The following ARK2N variants were observed in gnomAD, a reference collection of about 807,000 sequenced individuals.
ARK2N encodes the protein protein ARK2N.
chr18:46,175,046 C>T, the ARK2N span, among the ~76,000 whole-genome samples: 1 of 152,196 alleles, frequency 6.6e-6, no homozygotes, highest in Non-Finnish European at 1.5e-5. Flanking sequence ...AGGATGTACA[C>T]TGACGAACCC....
chr18:46,216,689 G>A, the ARK2N span: 1 of 1,094,718 alleles, frequency 9.1e-7, no homozygotes, highest in Non-Finnish European at 1.3e-6. This position sits in a 1 kb window ranked among gnomAD's most constrained non-coding sequence, Gnocchi z 4.3. Flanking sequence ...AAAAATCCAG[G>A]AGACCTGCAG....
At chr18:46,212,016 T>C in the ARK2N span, among the ~76,000 whole-genome samples, 1 of 152,204 alleles carries the variant, frequency 6.6e-6, no homozygotes, top group African/African-American at 2.4e-5. Flanking sequence ...ATGACATCAT[T>C]TCCCCCTGTG....
chr18:46,178,360 T>C, the ARK2N span, among the ~76,000 whole-genome samples: 1 of 152,376 alleles, frequency 6.6e-6, no homozygotes, highest in Admixed American at 6.5e-5. Flanking sequence ...ATGCCCAGGC[T>C]GGAGTGCAAT....
chr18:46,191,246 C>T, the ARK2N span, among the ~76,000 whole-genome samples: 3 of 152,072 alleles, frequency 2.0e-5, no homozygotes, highest in Non-Finnish European at 4.4e-5. Flanking sequence ...AAAGTACAGA[C>T]GGTCCTCAAC....
chr18:46,227,595 AT>A, the ARK2N span, among the ~76,000 whole-genome samples: 8 of 148,386 alleles, frequency 5.4e-5, no homozygotes, highest in African/African-American at 1.5e-4. Flanking sequence ...AGGTCTCTGC[AT>A]TTTTTTTTTC....
At chr18:46,256,081 T>A in the ARK2N span, among the ~76,000 whole-genome samples, 3 of 152,330 alleles carry the variant, frequency 2.0e-5, no homozygotes, top group African/African-American at 7.2e-5. Flanking sequence ...TATGATACCC[T>A]GCCCATTGAC....
the ARK2N span, among the ~76,000 whole-genome samples, chr18:46,185,271 A>G: frequency 6.6e-6 from 1 of 152,238 alleles, no homozygotes; most frequent in African/African-American, 2.4e-5. Flanking sequence ...GAGTAAGTAA[A>G]AACATTTAGG....
the ARK2N span, among the ~76,000 whole-genome samples, chr18:46,214,715 C>T: frequency 7.4e-3 from 1,124 of 152,294 alleles, 6 homozygotes; most frequent in Non-Finnish European, 0.012. Flanking sequence ...ACAAAGTGTA[C>T]AATGGGTGTA....
At chr18:46,262,286 C>G in the ARK2N span, among the ~76,000 whole-genome samples, 11 of 152,196 alleles carry the variant, frequency 7.2e-5, no homozygotes, top group African/African-American at 2.2e-4. Context: ...CCGATAGAAC[C>G]CTTTTAGTGG....
chr18:46,195,445 C>T, the ARK2N span, among the ~76,000 whole-genome samples: 12 of 151,286 alleles, frequency 7.9e-5, no homozygotes, highest in African/African-American at 2.2e-4. Flanking sequence ...GATGGGGCCT[C>T]ATGATGTTAC....
At chr18:46,182,264 AT>A in the ARK2N span, among the ~76,000 whole-genome samples, 1 of 152,114 alleles carries the variant, frequency 6.6e-6, no homozygotes, top group South Asian at 2.1e-4. Context: ...GTTTCTTACT[AT>A]TTTTCTCTGC....
chr18:46,180,725 A>G, the ARK2N span, among the ~76,000 whole-genome samples: 1 of 152,064 alleles, frequency 6.6e-6, no homozygotes, highest in Non-Finnish European at 1.5e-5. Context: ...CAACAATAAA[A>G]ACAAAACAAG....
chr18:46,262,886 G>T, the ARK2N span: 1 of 1,582,998 alleles, frequency 6.3e-7, no homozygotes, highest in Non-Finnish European at 8.7e-7. Flanking sequence ...TGTTTTTCCT[G>T]TGGTGGAATT....
At chr18:46,177,218 G>A in the ARK2N span, among the ~76,000 whole-genome samples, 4 of 152,112 alleles carry the variant, frequency 2.6e-5, no homozygotes, top group Non-Finnish European at 4.4e-5. Flanking sequence ...GACTATAAAA[G>A]GGGAGAGCTA....
chr18:46,237,221 C>G, the ARK2N span, among the ~76,000 whole-genome samples: 1 of 151,596 alleles, frequency 6.6e-6, no homozygotes, highest in Admixed American at 6.6e-5. Flanking sequence ...TTTTTTTTCC[C>G]TTCAAGAGAT....
chr18:46,184,265 C>G, the ARK2N span, among the ~76,000 whole-genome samples: 1 of 152,148 alleles, frequency 6.6e-6, no homozygotes, highest in African/African-American at 2.4e-5. Flanking sequence ...GCTGGGATTA[C>G]AGGTGTAAGC....
the ARK2N span, among the ~76,000 whole-genome samples, chr18:46,198,712 C>A: frequency 3.3e-5 from 5 of 152,216 alleles, no homozygotes; most frequent in African/African-American, 1.2e-4. Context: ...GATTCTCCTG[C>A]CTCAGCCTCC....
At chr18:46,215,946 A>G in the ARK2N span, 4 of 1,614,200 alleles carry the variant, frequency 2.5e-6, no homozygotes, top group African/African-American at 1.3e-5. Flanking sequence ...CACCAAAAGC[A>G]TCTGAACAAG....
the ARK2N span, among the ~76,000 whole-genome samples, chr18:46,230,713 A>T: frequency 6.6e-6 from 1 of 152,244 alleles, no homozygotes; most frequent in African/African-American, 2.4e-5. Context: ...GCAGACTTTT[A>T]AAAAAGTTAC....
Sources: gnomAD v4.1 joint callset for allele counts (sites outside exome capture counted in the v4.1 genomes callset) on GRCh38, gnomAD v4.1.1 for gene constraint, Gnocchi (gnomAD v3.1) non-coding constraint, MANE v1.5 for transcripts, NCBI Gene and HGNC (gene_info 2026-07-23, HGNC 2026-07-21) for gene names.